PTPRD: variants seen among roughly 807,000 people sequenced by gnomAD.
PTPRD encodes the protein receptor-type tyrosine-protein phosphatase delta.
In PTPRD, 34 loss-of-function variants were observed where a neutral mutation model predicts 214.5. That is an observed-to-expected ratio of 0.16 (90% confidence interval 0.12 to 0.21). PTPRD has a LOEUF of 0.21. PTPRD is among the 10% of genes least tolerant of loss of function. The probability of loss-of-function intolerance (pLI) is 1.00; values close to 1 mark genes in which losing one functional copy is unlikely to be tolerated. For synonymous variants in PTPRD, 1,128 were observed against 845.7 expected (o/e 1.33, Z -5.79); for missense variants, 2,545 against 2,398.7 (o/e 1.06, Z -1.27).
intron 26 of PTPRD, among the ~76,000 whole-genome samples, chr9:8,494,622 C>T (rs566321776): frequency 3.7e-4 from 56 of 152,280 alleles, no homozygotes; most frequent in African/African-American, 1.2e-3. Context: ...CTTCCATCAC[C>T]AAATTTTGTA....
chr9:8,404,530 T>A lies in PTPRD; in HGVS notation c.4210+7A>T. ...TAAAGGTATCAGTGATGTCTGCATTTCCTTACCTTCTATAGCTGATAGGAG... is the reference window on the plus strand; with the variant it reads ...TAAAGGTATCAGTGATGTCTGCATTACCTTACCTTCTATAGCTGATAGGAG... On this transcript the variant is annotated splice_region_variant and intron_variant, in intron 36 of 45. Coordinates refer to ENST00000381196, the MANE Select transcript of PTPRD (RefSeq NM_002839.4). 6.2e-7 allele frequency: 1 copy of A among 1,607,316 alleles called. No homozygotes were observed. The highest frequency in any genetic ancestry group is 1.1e-5 in the South Asian group (1 of 90,584).
At chr9:9,736,222 TG>T (rs1342566474) in intron 6 of PTPRD, among the ~76,000 whole-genome samples, 3 of 152,110 alleles carry the variant, frequency 2.0e-5, no homozygotes, top group African/African-American at 7.2e-5. Context: ...TCAAAGTATC[TG>T]GATTTTTTGT....
intron 14 of PTPRD, among the ~76,000 whole-genome samples, chr9:8,626,091 T>C (rs2096022583): frequency 6.6e-6 from 1 of 151,764 alleles, no homozygotes; most frequent in Non-Finnish European, 1.5e-5. Context: ...TACCAATAAA[T>C]TATGCATGTA....
In PTPRD at chr9:9,111,012, C is replaced by T. The variant is rs191299280; in HGVS notation, c.-143+72292G>A. Among the ~76,000 whole-genome samples the T allele has an allele frequency of 3.9e-5, 6 of 152,096 alleles. No individual in the cohort carries two copies. The East Asian group carries it at 1.2e-3, about 30-fold the overall frequency. On this transcript the variant is annotated intron_variant, in intron 10 of 45. Coordinates refer to ENST00000381196, the MANE Select transcript of PTPRD (RefSeq NM_002839.4). The stretch of plus-strand genomic sequence containing the variant: ...GCTTTACCGATCTCTGTGATTGGCA[C>T]TGGGTACTGGAGAGAAAGATGCCAT...
At chr9:9,423,906 A>G (rs549051432) in intron 8 of PTPRD, among the ~76,000 whole-genome samples, 1 of 152,234 alleles carries the variant, frequency 6.6e-6, no homozygotes, top group Non-Finnish European at 1.5e-5. Context: ...AAGGTCTAAC[A>G]TACTTTTAGC....
chr9:8,601,063 C>A (rs116591321), intron 14 of PTPRD, among the ~76,000 whole-genome samples: 2 of 152,058 alleles, frequency 1.3e-5, no homozygotes, highest in Admixed American at 1.3e-4. Flanking sequence ...CACAAGCTGA[C>A]TGAAGAGCTT....
At chr9:8,946,775 T>C (rs1266974946) in intron 11 of PTPRD, among the ~76,000 whole-genome samples, 2 of 152,162 alleles carry the variant, frequency 1.3e-5, no homozygotes. Context: ...GGTCTTCTCA[T>C]CCCTGTCTCT....
chr9:10,034,919 T>C (rs1180284043), intron 3 of PTPRD, among the ~76,000 whole-genome samples: 1 of 152,180 alleles, frequency 6.6e-6, no homozygotes, highest in African/African-American at 2.4e-5. Flanking sequence ...AATAGAACAA[T>C]TCATATTCCT....
At chr9:9,018,292 C>T (rs1278746077) in intron 11 of PTPRD, among the ~76,000 whole-genome samples, 2 of 152,106 alleles carry the variant, frequency 1.3e-5, no homozygotes, top group African/African-American at 4.8e-5. Flanking sequence ...ACTCACTGCT[C>T]ACTAACCTAC....
At chr9:10,407,889 G>A (rs551378508) in intron 2 of PTPRD, among the ~76,000 whole-genome samples, 2 of 151,202 alleles carry the variant, frequency 1.3e-5, no homozygotes, top group African/African-American at 4.8e-5. Flanking sequence ...ATTTGTTTTG[G>A]ATATAAATTA....
intron 3 of PTPRD, among the ~76,000 whole-genome samples, chr9:10,299,867 A>C (rs1474574938): frequency 6.6e-6 from 1 of 152,200 alleles, no homozygotes; most frequent in Non-Finnish European, 1.5e-5. Flanking sequence ...TTCCCATTAA[A>C]TATATTAATG....
In PTPRD at chr9:8,857,685, C is replaced by G. The variant is rs527524865; in HGVS notation, c.-103-123739G>C. 7.5e-5 allele frequency: 12 copies of G among 159,316 alleles called. No individual in the cohort carries two copies. The East Asian group carries it at 2.2e-3, about 30-fold the overall frequency. 9.9% of individuals were successfully genotyped at this position (159,316 alleles called of 1,614,324 possible). On this transcript the variant is annotated intron_variant, in intron 11 of 45. Coordinates refer to ENST00000381196, the MANE Select transcript of PTPRD (RefSeq NM_002839.4). ...GCCGCCGCCACCGCCTCCCGCGCCG[C>G]CGCCAACACTTTCCTCCAGCGCCTT...
At chr9:10,581,747 A>C (rs2071905472) in intron 2 of PTPRD, among the ~76,000 whole-genome samples, 1 of 152,156 alleles carries the variant, frequency 6.6e-6, no homozygotes, top group African/African-American at 2.4e-5. Flanking sequence ...TCAGCAGTTT[A>C]GGTCATTTCT....
chr9:8,726,291 G>A (rs2098556477), intron 12 of PTPRD, among the ~76,000 whole-genome samples: 1 of 151,750 alleles, frequency 6.6e-6, no homozygotes, highest in Non-Finnish European at 1.5e-5. Flanking sequence ...AAGGTTACTT[G>A]AAATGGGTCA....
intron 11 of PTPRD, among the ~76,000 whole-genome samples, chr9:8,969,816 G>C (rs1367429350): frequency 6.6e-6 from 1 of 151,812 alleles, no homozygotes; most frequent in Admixed American, 6.6e-5. Flanking sequence ...TAATAAGAAA[G>C]CAAAATCAAC....
Position 8,373,284 on chromosome 9 carries a change from T to C in PTPRD, c.4661+2652A>G, listed in dbSNP as rs142287603. Among the ~76,000 whole-genome samples, 1,191 of 152,096 alleles carry C rather than the reference T, an allele frequency of 7.8e-3. 6 individuals carry two copies. Among genetic ancestry groups the C allele is most frequent in the South Asian group, 0.021 (102 of 4,822 alleles). On this transcript the variant is annotated intron_variant, in intron 39 of 45. Transcript: ENST00000381196. Reference sequence around the variant, plus strand: ...TCAAGGATTCAAGATAACATGGATGTTGACGATGTTGACATGACCCTCCTA... The same window carrying C: ...TCAAGGATTCAAGATAACATGGATGCTGACGATGTTGACATGACCCTCCTA...
At chr9:9,021,241 A>C (rs1050701359) in intron 10 of PTPRD, among the ~76,000 whole-genome samples, 1 of 152,208 alleles carries the variant, frequency 6.6e-6, no homozygotes, top group Admixed American at 6.5e-5. Flanking sequence ...AATGGACTGC[A>C]TATATGACAG....
At chr9:9,701,726 G>A (rs544099406) in intron 7 of PTPRD, among the ~76,000 whole-genome samples, 3 of 152,272 alleles carry the variant, frequency 2.0e-5, no homozygotes, top group African/African-American at 7.2e-5. Flanking sequence ...CTTTTCAAAT[G>A]AGAAGGATGA....
At chr9:9,167,400 G>A (rs537602724) in intron 10 of PTPRD, among the ~76,000 whole-genome samples, 2 of 151,472 alleles carry the variant, frequency 1.3e-5, no homozygotes, top group Admixed American at 1.3e-4. Flanking sequence ...AAGCAGCACA[G>A]CCAACTTTGG....
Sources: allele counts gnomAD v4.1 joint callset (sites outside exome capture counted in the v4.1 genomes callset), GRCh38; gene constraint gnomAD v4.1.1; transcripts MANE v1.5; gene names NCBI Gene and HGNC (gene_info 2026-07-23, HGNC 2026-07-21).